Variants in RBFOX1 observed in about 807,000 individuals in gnomAD.
The protein encoded by RBFOX1 is RNA binding protein fox-1 homolog 1.
In RBFOX1, 8 loss-of-function variants were observed where a neutral mutation model predicts 57.7. The ratio of observed to expected loss-of-function variants is 0.14; its 90% CI spans 0.08 to 0.25. The LOEUF (loss-of-function observed/expected upper bound fraction) is 0.25. RBFOX1 is among the 10% of genes least tolerant of loss of function. The pLI is 1.00. For missense variants in RBFOX1, 611 were observed against 548.5 expected, an observed-to-expected ratio of 1.11 and a Z score of -1.14; for synonymous variants, 326 against 222.4, an observed-to-expected ratio of 1.47 and a Z score of -4.15.
intron 4 of RBFOX1, among the ~76,000 whole-genome samples, chr16:7,435,136 G>C (rs773316470): frequency 6.6e-6 from 1 of 151,744 alleles, no homozygotes; most frequent in East Asian, 1.9e-4. Context: ...TTTTTACCTC[G>C]TTCTTTTCTG....
intron 1 of RBFOX1, among the ~76,000 whole-genome samples, chr16:6,169,969 A>G (rs1419947185): frequency 6.6e-6 from 1 of 151,986 alleles, no homozygotes; most frequent in Non-Finnish European, 1.5e-5. Context: ...GTGTTTTACC[A>G]TGTTGGCCAG....
At chr16:6,998,709 A>G (rs760582994) in intron 3 of RBFOX1, among the ~76,000 whole-genome samples, 3 of 152,110 alleles carry the variant, frequency 2.0e-5, no homozygotes, top group Non-Finnish European at 4.4e-5. Context: ...GATGATGGCT[A>G]CAGGTTGTCT....
At chr16:7,515,284 A>G (rs2076114513) in intron 4 of RBFOX1, among the ~76,000 whole-genome samples, 1 of 151,884 alleles carries the variant, frequency 6.6e-6, no homozygotes, top group African/African-American at 2.4e-5. Flanking sequence ...TTAATTAGTC[A>G]AGACCCTTTT....
At chr16:5,825,391 A>G (rs1272561631) in intron 3 of RBFOX1, among the ~76,000 whole-genome samples, 2 of 152,174 alleles carry the variant, frequency 1.3e-5, no homozygotes, top group African/African-American at 4.8e-5. Context: ...CCTGTATACA[A>G]TCACAGCTCT....
At chr16:7,556,527 T>G (rs2088542625) in intron 5 of RBFOX1, among the ~76,000 whole-genome samples, 1 of 152,366 alleles carries the variant, frequency 6.6e-6, no homozygotes, top group East Asian at 1.9e-4. Flanking sequence ...ATGAAACTTT[T>G]ACCTTGAATT....
intron 2 of RBFOX1, among the ~76,000 whole-genome samples, chr16:5,584,036 C>T (rs576115369): frequency 1.3e-5 from 2 of 152,150 alleles, no homozygotes; most frequent in South Asian, 2.1e-4. Flanking sequence ...CCTAGTACCC[C>T]GTGCTCCAAG....
intron 1 of RBFOX1, among the ~76,000 whole-genome samples, chr16:6,153,238 A>G (rs2096812503): frequency 6.6e-6 from 1 of 152,120 alleles, no homozygotes; most frequent in Non-Finnish European, 1.5e-5. Context: ...ACTATGCAGC[A>G]TTCCTATTTC....
intron 4 of RBFOX1, among the ~76,000 whole-genome samples, chr16:7,101,727 C>A (rs1198277630): frequency 6.6e-6 from 1 of 152,090 alleles, no homozygotes; most frequent in Non-Finnish European, 1.5e-5. Flanking sequence ...TTGCTTGCCG[C>A]AGAAGACAAG....
intron 4 of RBFOX1, among the ~76,000 whole-genome samples, chr16:7,336,760 C>A (rs995212463): frequency 6.6e-6 from 1 of 152,116 alleles, no homozygotes; most frequent in African/African-American, 2.4e-5. Flanking sequence ...CAGTATTTGT[C>A]CACCTTCCTA....
At chr16:5,327,244 T>A (rs1000455419) in intron 1 of RBFOX1, among the ~76,000 whole-genome samples, 5 of 152,134 alleles carry the variant, frequency 3.3e-5, no homozygotes, top group African/African-American at 1.2e-4. Context: ...GGCCAGACCC[T>A]GCACCAATCT....
intron 4 of RBFOX1, among the ~76,000 whole-genome samples, chr16:7,494,658 A>G (rs142462265): frequency 1.0e-3 from 155 of 152,256 alleles, no homozygotes; most frequent in African/African-American, 3.4e-3. Flanking sequence ...AGAGGAGCCA[A>G]CACTCAAAAA....
intron 1 of RBFOX1, among the ~76,000 whole-genome samples, chr16:6,162,535 G>A (rs76411774): frequency 2.4e-3 from 358 of 152,292 alleles, no homozygotes; most frequent in African/African-American, 8.3e-3. Flanking sequence ...TGCAGGGCCA[G>A]TGAAACATAG....
chr16:6,904,701 C>G, intron 3 of RBFOX1, among the ~76,000 whole-genome samples: 1 of 150,826 alleles, frequency 6.6e-6, no homozygotes, highest in East Asian at 2.0e-4. Flanking sequence ...TTTTTCCCGT[C>G]AGTTTCTCCT....
At chr16:5,492,390 G>C (rs1313155858) in intron 2 of RBFOX1, among the ~76,000 whole-genome samples, 1 of 152,228 alleles carries the variant, frequency 6.6e-6, no homozygotes, top group Non-Finnish European at 1.5e-5. Flanking sequence ...CCTTCAGGGA[G>C]TTTGCAGTTT....
intron 7 of RBFOX1, among the ~76,000 whole-genome samples, chr16:7,590,202 G>A (rs1227713699): frequency 6.6e-6 from 1 of 152,048 alleles, no homozygotes; most frequent in Non-Finnish European, 1.5e-5. Context: ...AGGAGGTCAA[G>A]GCTTTACTGA....
chr16:7,252,940 A>G (rs2094547077), intron 4 of RBFOX1, among the ~76,000 whole-genome samples: 2 of 152,172 alleles, frequency 1.3e-5, no homozygotes, highest in Admixed American at 1.3e-4. Flanking sequence ...AATCACACAC[A>G]TTTTGTAAAT....
intron 4 of RBFOX1, among the ~76,000 whole-genome samples, chr16:7,077,273 C>A (rs1346892798): frequency 1.3e-5 from 2 of 152,144 alleles, no homozygotes; most frequent in African/African-American, 2.4e-5. Flanking sequence ...ACTGTTAGCC[C>A]CACTGTCTCA....
At chr16:5,837,785 C>A (rs552051032) in intron 3 of RBFOX1, among the ~76,000 whole-genome samples, 30 of 152,148 alleles carry the variant, frequency 2.0e-4, no homozygotes, top group Admixed American at 8.5e-4. Flanking sequence ...CCAGACTTCC[C>A]TGAAGGCAGG....
chr16:7,192,103 G>T (rs1451663393), intron 4 of RBFOX1, among the ~76,000 whole-genome samples: 1 of 151,962 alleles, frequency 6.6e-6, no homozygotes, highest in Admixed American at 6.6e-5. Flanking sequence ...GAGAAAGGGG[G>T]ATAAAAAAAG....
Sources: allele counts gnomAD v4.1 joint callset (sites outside exome capture counted in the v4.1 genomes callset), GRCh38; gene constraint gnomAD v4.1.1; transcripts MANE v1.5; gene names NCBI Gene and HGNC (gene_info 2026-07-23, HGNC 2026-07-21).